UBA7: variants seen among roughly 807,000 people sequenced by gnomAD.
The protein encoded by UBA7 is ubiquitin like modifier activating enzyme 7, also known as ubiquitin-like modifier-activating enzyme 7.
In UBA7, 88 loss-of-function variants were observed where a neutral mutation model predicts 113.0. That is an observed-to-expected ratio of 0.78 (90% confidence interval 0.66 to 0.93). UBA7 has a LOEUF of 0.93. Among genes scored for constraint, UBA7 ranks in the 40% least tolerant of loss-of-function variants. The pLI is 0.00. For synonymous variants in UBA7, 459 were observed against 513.0 expected (o/e 0.89, Z 1.42); for missense variants, 1,092 against 1,266.4 (o/e 0.86, Z 2.09).
chr3:49,806,139 C>T lies in UBA7; in HGVS notation c.2742G>A (p.Trp914Ter), dbSNP rs760750660. The part of the protein sequence containing the change: ...QTFHHLKWTS[W>*]DRLKVPAGQP... Reference sequence around the variant, plus strand: ...GCCCAGCTGGTACCTTCAGACGGTCCCAAGAGGTCCACTTCAGGTGATGGA... The same window carrying T: ...GCCCAGCTGGTACCTTCAGACGGTCTCAAGAGGTCCACTTCAGGTGATGGA... The change falls in exon 22 of 24, where the codon TGG becomes TGA. Residue 914 changes from tryptophan (W) to a stop codon, truncating the protein, a stop_gained. Coordinates refer to ENST00000333486, the MANE Select transcript of UBA7 (RefSeq NM_003335.3). LOFTEE classifies it high-confidence loss of function. 6.2e-7 allele frequency: 1 copy of T among 1,602,010 alleles called. No individual in the cohort carries two copies. The highest frequency in any genetic ancestry group is 1.7e-5 in the Admixed American group (1 of 58,182).
chr3:49,805,730 C>G (rs1041888112), intron 23 of UBA7, among the ~76,000 whole-genome samples, 167 bp downstream of exon 23: 2 of 152,152 alleles, frequency 1.3e-5, no homozygotes, highest in African/African-American at 4.8e-5. Context: ...CTCAGGCTCT[C>G]GGCCCTCACC....
chr3:49,808,214 G>A, intron 19 of UBA7, 102 bp from the exon 20 acceptor site: 1 of 1,533,552 alleles, frequency 6.5e-7, no homozygotes, highest in Non-Finnish European at 9.0e-7. Context: ...CTGTCGGGGG[G>A]TTGCCCCACA....
At chr3:49,809,200 T>C in intron 17 of UBA7, 41 bp from the exon 18 acceptor site, 1 of 1,582,362 alleles carries the variant, frequency 6.3e-7, no homozygotes, top group Non-Finnish European at 8.6e-7. Flanking sequence ...CATGGGTGCA[T>C]GGGGTGGGGG....
Position 49,811,458 on chromosome 3 carries a change from G to A in UBA7, c.940-3C>T. On this transcript the variant is annotated splice_region_variant and splice_polypyrimidine_tract_variant and intron_variant, in intron 8 of 23. Transcript: ENST00000333486. ...CCCACCACAGTCTCTGCATCAACCTGTTGGTAGGACTCTGTGGGCATAGTA... is the reference window on the plus strand; with the variant it reads ...CCCACCACAGTCTCTGCATCAACCTATTGGTAGGACTCTGTGGGCATAGTA... 1.3e-6 allele frequency: 2 copies of A among 1,566,642 alleles called. No individual in the cohort carries two copies. The highest frequency in any genetic ancestry group is 1.7e-6 in the Non-Finnish European group (2 of 1,155,690).
chr3:49,810,717 C>T lies in UBA7; in HGVS notation c.1311+35G>A. ...TAGCCAGAGGGGCTGGGCTGGCTCT[C>T]CCAAAGGCACCCCCAGTCTCACCCC... On this transcript the variant is annotated intron_variant, in intron 11 of 23. Transcript: ENST00000333486. This position sits in a 1 kb window ranked among gnomAD's most constrained non-coding sequence, Gnocchi z 5.6. The T allele has an allele frequency of 6.2e-7, 1 of 1,614,074 alleles. No individual in the cohort carries two copies. Among genetic ancestry groups the T allele is most frequent in the African/African-American group, 1.3e-5 (1 of 75,012 alleles).
In UBA7 at chr3:49,810,662, C is replaced by T. The variant is rs1432140217; in HGVS notation, c.1322G>A (p.Gly441Asp). Residue 441 changes from glycine to aspartate, a missense_variant, in exon 12 of 24, where the codon GGT (glycine) becomes GAT (aspartate). Around this residue, in one of 3 missense-constraint regions of UBA7, gnomAD observed 584 missense variants for 714.5 expected, o/e 0.82. Transcript: ENST00000333486. The surrounding 1 kb of genome is among the most constrained non-coding windows in gnomAD (Gnocchi z 5.6). The stretch of plus-strand genomic sequence containing the variant: ...TTTGAGCAGCTCACAACCAATGGCA[C>T]CAGCGCCCACCTGTTGGCAGGAACA... ...RRQHYLLVGA[G>D]AIGCELLKVF... The T allele has an allele frequency of 6.2e-7, 1 of 1,614,066 alleles. No homozygotes were observed. The highest frequency in any genetic ancestry group is 1.1e-5 in the South Asian group (1 of 91,080).
rs114272505 is a variant in UBA7 at position 49,808,010 on chromosome 3, G to T, written c.2523+10C>A. On this transcript the variant is annotated intron_variant, in intron 20 of 23. Transcript: ENST00000333486. ...CACCTCCAGGCCCAAGCCTCAAGGG[G>T]TGGGGTTACCTGGGCACGGTTGACC... 92 of 1,614,154 alleles carry T rather than the reference G, an allele frequency of 5.7e-5. No individual in the cohort carries two copies. The highest frequency in any genetic ancestry group is 7.2e-5 in the Non-Finnish European group (85 of 1,179,990).
intron 9 of UBA7, 25 bp from the exon 10 acceptor site, chr3:49,811,116 C>T: frequency 6.2e-7 from 1 of 1,611,668 alleles, no homozygotes; most frequent in Non-Finnish European, 8.5e-7. Flanking sequence ...TCAGGCTGGG[C>T]ACTCCTGCCA....
In UBA7 at chr3:49,809,534, C is replaced by CCA. The variant is rs1376752206; in HGVS notation, c.2088+6_2088+7dup. On this transcript the variant is annotated splice_region_variant and intron_variant, in intron 16 of 23. Transcript: ENST00000333486. ...GAGCCCCCAGCGTCCCAACCCCTAG[C>CCA]CACACACTTTATTAGGTGGGAAGTG... 1.2e-6 allele frequency: 2 copies of CCA among 1,614,096 alleles called. No homozygotes were observed. Among genetic ancestry groups the CCA allele is most frequent in the South Asian group, 2.2e-5 (2 of 91,086 alleles).
In UBA7 at chr3:49,813,759, A is replaced by G. The variant is rs1338134202; in HGVS notation, c.29T>C (p.Leu10Pro). The G allele has an allele frequency of 6.2e-7, 1 of 1,614,216 alleles. No individual in the cohort carries two copies. The highest frequency in any genetic ancestry group is 1.7e-5 in the Admixed American group (1 of 60,026). The change falls in exon 1 of 24, where the codon CTG becomes CCG. Residue 10 changes from leucine (L) to proline (P), a missense_variant. Physicochemically the swap from Leu to Pro is moderately conservative, Grantham distance 98 (BLOSUM62 -3). Around this residue, in one of 3 missense-constraint regions of UBA7, gnomAD observed 584 missense variants for 714.5 expected, o/e 0.82. Coordinates refer to ENST00000333486, the MANE Select transcript of UBA7 (RefSeq NM_003335.3). The part of the protein sequence containing the change: MDALDASKL[L>P]DEELYSRQLY... ...CTGTCTTGAATACAGCTCCTCATCC[A>G]GTAGCTTCGAAGCGTCCAGGGCATC...
In UBA7 at chr3:49,810,899, G is replaced by A; in HGVS notation, c.1231-67C>T. 6.2e-7 allele frequency: 1 copy of A among 1,611,030 alleles called. No homozygotes were observed. The highest frequency in any genetic ancestry group is 1.1e-5 in the South Asian group (1 of 90,986). ...ATCTCCTTCTTATACTGAGTTTTCT[G>A]AATCAGGACCTGGAGGGCATTCCTC... On this transcript the variant is annotated intron_variant, in intron 10 of 23. Transcript: ENST00000333486. This position sits in a 1 kb window ranked among gnomAD's most constrained non-coding sequence, Gnocchi z 5.6.
intron 21 of UBA7, among the ~76,000 whole-genome samples, chr3:49,806,759 G>A (rs1250017825): frequency 6.6e-6 from 1 of 152,054 alleles, no homozygotes; most frequent in Non-Finnish European, 1.5e-5. Context: ...GACCAGGACA[G>A]GGGGTGCTTA....
At chr3:49,805,778 G>T in intron 23 of UBA7, 119 bp downstream of exon 23, 1 of 1,032,284 alleles carries the variant, frequency 9.7e-7, no homozygotes. Context: ...TTTGGGGAAA[G>T]AATGCTTGGG....
In UBA7 at chr3:49,805,947, G is replaced by C; in HGVS notation, c.2859C>G (p.Leu953=). The change falls in exon 23 of 24, where the codon CTC becomes CTG. Residue 953 remains leucine (L), a synonymous_variant. Transcript: ENST00000333486. ...VRILLHGSAL[L]YAAGWSPEKQ... is the part of the protein sequence containing the mutation. ...TTTCAGGTGACCATCCGGCCGCATA[G>C]AGCAGGGCTGAGCCGTGCAGCAGGA... 1 of 1,564,176 alleles carries C rather than the reference G, an allele frequency of 6.4e-7. No individual in the cohort carries two copies. The highest frequency in any genetic ancestry group is 8.7e-7 in the Non-Finnish European group (1 of 1,154,166).
In UBA7 at chr3:49,807,610, G is replaced by A; in HGVS notation, c.2715+126C>T. Reference sequence around the variant, plus strand: ...TTCATAGCAGGAAGAGGGCTGGAGGGAGTCTTCAGGACTTCTGCACAGTCT... The same window carrying A: ...TTCATAGCAGGAAGAGGGCTGGAGGAAGTCTTCAGGACTTCTGCACAGTCT... On this transcript the variant is annotated intron_variant, in intron 21 of 23. Coordinates refer to ENST00000333486, the MANE Select transcript of UBA7 (RefSeq NM_003335.3). The surrounding 1 kb of genome is among the most constrained non-coding windows in gnomAD (Gnocchi z 4.0). The A allele has an allele frequency of 8.1e-7, 1 of 1,233,950 alleles. No individual in the cohort carries two copies. Among genetic ancestry groups the A allele is most frequent in the Non-Finnish European group, 1.1e-6 (1 of 900,494 alleles). 76.4% of individuals were successfully genotyped at this position (1,233,950 alleles called of 1,614,324 possible).
In UBA7 at chr3:49,805,945, T is replaced by A; in HGVS notation, c.2861A>T (p.Tyr954Phe). The change falls in exon 23 of 24, where the codon TAT becomes TTT. Residue 954 changes from tyrosine to phenylalanine, a missense_variant. Tyr to Phe is a conservative substitution (Grantham distance 22). This residue lies in a region of UBA7 where 500 missense variants were observed against 529.3 expected (regional missense o/e 0.94). Transcript: ENST00000333486. ...RILLHGSALL[Y>F]AAGWSPEKQA... ...CTTTTCAGGTGACCATCCGGCCGCA[T>A]AGAGCAGGGCTGAGCCGTGCAGCAG... The A allele has an allele frequency of 6.4e-7, 1 of 1,564,084 alleles. No individual in the cohort carries two copies. Among genetic ancestry groups the A allele is most frequent in the Non-Finnish European group, 8.7e-7 (1 of 1,154,154 alleles).
chr3:49,807,617 C>T lies in UBA7; in HGVS notation c.2715+119G>A. ...CAGGAAGAGGGCTGGAGGGAGTCTTCAGGACTTCTGCACAGTCTGAGTTTC... is the reference window on the plus strand; with the variant it reads ...CAGGAAGAGGGCTGGAGGGAGTCTTTAGGACTTCTGCACAGTCTGAGTTTC... On this transcript the variant is annotated intron_variant, in intron 21 of 23. Coordinates refer to ENST00000333486, the MANE Select transcript of UBA7 (RefSeq NM_003335.3). This position sits in a 1 kb window ranked among gnomAD's most constrained non-coding sequence, Gnocchi z 4.0. 7.6e-7 allele frequency: 1 copy of T among 1,318,792 alleles called. No homozygotes were observed. The highest frequency in any genetic ancestry group is 1.0e-6 in the Non-Finnish European group (1 of 974,154). 81.7% of individuals were successfully genotyped at this position (1,318,792 alleles called of 1,614,324 possible).
Position 49,812,425 on chromosome 3 carries a change from C to A in UBA7, c.677G>T (p.Arg226Leu). The change falls in exon 6 of 24, where the codon CGG becomes CTG. Residue 226 changes from arginine to leucine, a missense_variant. Arg to Leu is a moderately radical substitution (Grantham distance 102). Coordinates refer to ENST00000333486, the MANE Select transcript of UBA7 (RefSeq NM_003335.3). ...TGGCTTACCCCGCACGTGGATAGAC[C>A]GGGGATCACAGTCGTTGAGCTCAAC... Reference protein sequence around the residue: ...GMVELNDCDPRSIHVREDGSL... With the variant: ...GMVELNDCDPLSIHVREDGSL... 1 of 1,614,200 alleles carries A rather than the reference C, an allele frequency of 6.2e-7. No individual in the cohort carries two copies. The highest frequency in any genetic ancestry group is 8.5e-7 in the Non-Finnish European group (1 of 1,180,032).
chr3:49,811,400 G>A lies in UBA7; in HGVS notation c.995C>T (p.Thr332Ile). ...LARDLEPLKR[T>I]EEEPLEEPLD... ...TGGCTCTTCCAGTGGCTCTTCCTCTGTCCGCTTCAGTGGTTCCAGGTCCCG... is the reference window on the plus strand; with the variant it reads ...TGGCTCTTCCAGTGGCTCTTCCTCTATCCGCTTCAGTGGTTCCAGGTCCCG... Residue 332 changes from threonine (T) to isoleucine (I), a missense_variant, in exon 9 of 24, where the codon ACA becomes ATA. Coordinates refer to ENST00000333486, the MANE Select transcript of UBA7 (RefSeq NM_003335.3). 6.2e-7 allele frequency: 1 copy of A among 1,610,914 alleles called. No individual in the cohort carries two copies. The highest frequency in any genetic ancestry group is 8.5e-7 in the Non-Finnish European group (1 of 1,178,680).
Sources: gnomAD v4.1 joint callset for allele counts (sites outside exome capture counted in the v4.1 genomes callset) on GRCh38, gnomAD v4.1.1 for gene constraint, gnomAD v4.1.1 regional missense constraint, Gnocchi (gnomAD v3.1) non-coding constraint, MANE v1.5 for transcripts, NCBI Gene and HGNC (gene_info 2026-07-23, HGNC 2026-07-21) for gene names.